The following CACNA1D variants were observed in gnomAD, a reference collection of about 807,000 sequenced individuals.
The protein encoded by CACNA1D is calcium voltage-gated channel subunit alpha1 D.
CACNA1D carries 55 observed loss-of-function variants against 257.1 expected under a neutral mutation model. That is an observed-to-expected ratio of 0.21 (90% confidence interval 0.17 to 0.27). The LOEUF is 0.27. Among genes scored for constraint, CACNA1D ranks in the 10% least tolerant of loss-of-function variants. CACNA1D has a pLI of 1.00. For missense variants in CACNA1D, 1,876 were observed against 2,784.0 expected, an observed-to-expected ratio of 0.67 and a Z score of 7.34; for synonymous variants, 980 against 1,014.9, an observed-to-expected ratio of 0.97 and a Z score of 0.65.
intron 3 of CACNA1D, among the ~76,000 whole-genome samples, chr3:53,631,544 G>A (rs1054693474): frequency 1.3e-5 from 2 of 152,150 alleles, no homozygotes; most frequent in African/African-American, 4.8e-5. Flanking sequence ...CCAAACTCCT[G>A]TTAATGTTGA....
chr3:53,780,243 G>T, intron 38 of CACNA1D, 115 bp downstream of exon 38: 1 of 832,948 alleles, frequency 1.2e-6, no homozygotes, highest in South Asian at 1.4e-5. Context: ...TGGGGAAGGG[G>T]CTGGCAAGTA....
intron 40 of CACNA1D, among the ~76,000 whole-genome samples, chr3:53,795,352 G>A (rs1306112821): frequency 1.3e-5 from 2 of 152,222 alleles, no homozygotes; most frequent in African/African-American, 4.8e-5. Context: ...AGGTGAGTAA[G>A]TGTGTGATTC....
intron 3 of CACNA1D, among the ~76,000 whole-genome samples, chr3:53,568,051 A>G (rs1352291387): frequency 6.6e-6 from 1 of 152,156 alleles, no homozygotes; most frequent in East Asian, 1.9e-4. Flanking sequence ...CCCCTAATGG[A>G]GACGGACACA....
intron 30 of CACNA1D, 40 bp from the exon 31 acceptor site, chr3:53,769,933 C>T: frequency 6.6e-7 from 1 of 1,513,776 alleles, no homozygotes; most frequent in Non-Finnish European, 9.2e-7. Flanking sequence ...TGACTCCTTC[C>T]TGGTTCATTA....
chr3:53,735,315 GGACCCA>G, intron 19 of CACNA1D, 53 bp from the exon 20 acceptor site: 1 of 1,543,782 alleles, frequency 6.5e-7, no homozygotes, highest in Non-Finnish European at 9.0e-7. Context: ...ACACTCTTAA[GGACCCA>G]GTGTGTTCCA....
rs1337928287 is a variant in CACNA1D, at chr3:53,812,595, G to A, written c.*1189G>A. 3.2e-5 allele frequency: 1 copy of A among 30,922 alleles called. No homozygotes were observed. Among genetic ancestry groups the A allele is most frequent in the African/African-American group, 5.9e-5 (1 of 16,820 alleles). 1.9% of individuals were successfully genotyped at this position (30,922 alleles called of 1,614,324 possible). ...TTTGACTTGAACCACCCTCTGGTAAGTAAGTAAGTGAATTACAGAGCAGGT... is the reference window on the plus strand; with the variant it reads ...TTTGACTTGAACCACCCTCTGGTAAATAAGTAAGTGAATTACAGAGCAGGT... On this transcript the variant is annotated 3_prime_UTR_variant, in exon 48 of 48. Coordinates refer to ENST00000350061, the MANE Select transcript of CACNA1D (RefSeq NM_001128840.3).
At chr3:53,749,692 G>C (rs1205296241) in intron 27 of CACNA1D, among the ~76,000 whole-genome samples, 8 of 152,248 alleles carry the variant, frequency 5.3e-5, no homozygotes, top group African/African-American at 1.9e-4. Flanking sequence ...TCCATCGCCA[G>C]ACCTGGTGGT....
At chr3:53,604,862 C>T (rs1180436427) in intron 3 of CACNA1D, among the ~76,000 whole-genome samples, 8 of 152,128 alleles carry the variant, frequency 5.3e-5, no homozygotes, top group Non-Finnish European at 4.4e-5. Context: ...AGAGGATGGA[C>T]ATTCCTAAGA....
intron 3 of CACNA1D, among the ~76,000 whole-genome samples, chr3:53,511,548 C>T (rs2091111935): frequency 1.3e-5 from 2 of 152,026 alleles, no homozygotes; most frequent in Admixed American, 1.3e-4. Flanking sequence ...GTCAGAAATG[C>T]CGCGCAAGCA....
chr3:53,676,245 G>A (rs1286324103), intron 8 of CACNA1D, among the ~76,000 whole-genome samples: 1 of 152,124 alleles, frequency 6.6e-6, no homozygotes, highest in African/African-American at 2.4e-5. Context: ...ACGATGGGCT[G>A]GCATGCCTCC....
intron 20 of CACNA1D, among the ~76,000 whole-genome samples, chr3:53,736,312 GCCT>G (rs1399847388): frequency 2.0e-5 from 3 of 151,836 alleles, no homozygotes; most frequent in African/African-American, 7.3e-5. Context: ...CTGCACTCCA[GCCT>G]CAGTGATACA....
intron 3 of CACNA1D, among the ~76,000 whole-genome samples, chr3:53,644,040 C>A (rs900372177): frequency 1.3e-5 from 2 of 152,218 alleles, no homozygotes; most frequent in Non-Finnish European, 2.9e-5. Context: ...GTCAAAACCT[C>A]TCATTTTGCC....
intron 22 of CACNA1D, 22 bp downstream of exon 22, chr3:53,743,139 C>G (rs375154238): frequency 6.9e-7 from 1 of 1,455,446 alleles, no homozygotes; most frequent in Admixed American, 1.7e-5. Context: ...GGGGTGTGTG[C>G]CCAGAATTGT....
At chr3:53,508,027 C>T (rs1234699172) in intron 3 of CACNA1D, among the ~76,000 whole-genome samples, 9 of 152,198 alleles carry the variant, frequency 5.9e-5, no homozygotes, top group African/African-American at 1.2e-4. Flanking sequence ...CCTGCACCCT[C>T]GGGTTTCTGA....
chr3:53,777,196 C>T (rs1047401471), intron 37 of CACNA1D, among the ~76,000 whole-genome samples: 15 of 151,994 alleles, frequency 9.9e-5, no homozygotes, highest in African/African-American at 2.9e-4. Flanking sequence ...GTAGAGAAGG[C>T]GACATTTCAG....
At position 53,743,098 on chromosome 3, in the gene CACNA1D, C is replaced by T. The variant is rs771722366; in HGVS notation, c.2899C>T (p.Leu967=). The change falls in exon 22 of 48, where the codon CTG becomes TTG. Residue 967 remains leucine, a synonymous_variant. Transcript: ENST00000350061. ...GGATATGCTGGTGGTTGGGGTGTCTCTGGTGTCATTTGGGATTCAGTAAGT... is the reference window on the plus strand; with the variant it reads ...GGATATGCTGGTGGTTGGGGTGTCTTTGGTGTCATTTGGGATTCAGTAAGT... The part of the protein sequence containing the change: ...LLDMLVVGVS[L]VSFGIQSSAI... The T allele has an allele frequency of 2.5e-6, 4 of 1,612,650 alleles. No individual in the cohort carries two copies. Among genetic ancestry groups the T allele is most frequent in the Non-Finnish European group, 2.5e-6 (3 of 1,178,658 alleles).
intron 3 of CACNA1D, among the ~76,000 whole-genome samples, chr3:53,608,778 A>C (rs2093546343): frequency 6.6e-6 from 1 of 152,218 alleles, no homozygotes; most frequent in Non-Finnish European, 1.5e-5. Flanking sequence ...AAATAGCATT[A>C]ATTGATTTTT....
intron 3 of CACNA1D, among the ~76,000 whole-genome samples, chr3:53,591,620 G>A (rs140681270): frequency 1.9e-3 from 283 of 152,270 alleles, no homozygotes; most frequent in African/African-American, 6.2e-3. Context: ...CTGAGCCTGT[G>A]TGTTGCTCTC....
chr3:53,729,260 C>G (rs1483119857), intron 15 of CACNA1D, among the ~76,000 whole-genome samples: 2 of 152,212 alleles, frequency 1.3e-5, no homozygotes, highest in South Asian at 2.1e-4. Flanking sequence ...TTACGTTTCT[C>G]TCCTCTTTAA....
Sources: gnomAD v4.1 joint callset for allele counts (sites outside exome capture counted in the v4.1 genomes callset) on GRCh38, gnomAD v4.1.1 for gene constraint, MANE v1.5 for transcripts, NCBI Gene and HGNC (gene_info 2026-07-23, HGNC 2026-07-21) for gene names.